The following EFCC1 variants were observed in gnomAD, a reference collection of about 807,000 sequenced individuals.
EFCC1 encodes EF-hand and coiled-coil domain containing 1, also known as EF-hand and coiled-coil domain-containing protein 1.
Under a neutral mutation model 52.1 loss-of-function variants are expected in EFCC1, and 50 were observed. That is an observed-to-expected ratio of 0.96 (90% CI 0.76 to 1.21). EFCC1 has a LOEUF of 1.21. Among genes scored for constraint, EFCC1 ranks in the 50% most tolerant of loss-of-function variants. The pLI, the probability that EFCC1 is intolerant of heterozygous loss-of-function variation, is 0.00. For synonymous variants in EFCC1, 399 were observed against 396.5 expected (o/e 1.01, Z -0.08); for missense variants, 837 against 867.3 (o/e 0.97, Z 0.44).
chr3:129,031,536 T>C (rs1376685458), intron 3 of EFCC1, among the ~76,000 whole-genome samples: 1 of 152,174 alleles, frequency 6.6e-6, no homozygotes, highest in Admixed American at 6.5e-5. Context: ...AAGCCTGGTT[T>C]TGTTTTTAAA....
At position 129,034,206 on chromosome 3, in the gene EFCC1, TCAC is replaced by T; in HGVS notation, c.1330_1332del (p.His444del). 1 of 1,614,186 alleles carries T rather than the reference TCAC, an allele frequency of 6.2e-7. No homozygotes were observed. Among genetic ancestry groups the T allele is most frequent in the African/African-American group, 1.3e-5 (1 of 75,030 alleles). ...CGGAGAAGCTCATGACTTACTTTGGTCACTTCGGCGGTGCCAACCATGCCCATA... is the reference window on the plus strand; with the variant it reads ...CGGAGAAGCTCATGACTTACTTTGGTTTCGGCGGTGCCAACCATGCCCATA... On this transcript the variant is annotated inframe_deletion, in exon 5 of 8. Coordinates refer to ENST00000683648, the MANE Select transcript of EFCC1 (RefSeq NM_001377500.1).
intron 2 of EFCC1, among the ~76,000 whole-genome samples, chr3:129,028,743 A>G (rs943134490): frequency 3.3e-5 from 5 of 151,836 alleles, no homozygotes; most frequent in African/African-American, 1.2e-4. Flanking sequence ...CCCAGGTTCA[A>G]GCGATTCTCC....
At chr3:129,037,903 A>G (rs999479044) in intron 6 of EFCC1, among the ~76,000 whole-genome samples, 9 of 151,606 alleles carry the variant, frequency 5.9e-5, no homozygotes, top group African/African-American at 2.2e-4. Context: ...CTCTACAAAA[A>G]AAAAAAAAAA....
In EFCC1 at chr3:129,014,741, C is replaced by T. The variant is rs775192317; in HGVS notation, c.980+10664C>T. 6.6e-6 allele frequency among the ~76,000 whole-genome samples: 1 copy of T among 152,250 alleles called. No individual in the cohort carries two copies. Among genetic ancestry groups the T allele is most frequent in the African/African-American group, 2.4e-5 (1 of 41,550 alleles). ...GGGCCATGACTTGTGTGATCCAGGGCGGAGGTGACTCCCATAGCAAAATCA... is the reference window on the plus strand; with the variant it reads ...GGGCCATGACTTGTGTGATCCAGGGTGGAGGTGACTCCCATAGCAAAATCA... On this transcript the variant is annotated intron_variant, in intron 2 of 7. Transcript: ENST00000683648. The surrounding 1 kb of genome is among the most constrained non-coding windows in gnomAD (Gnocchi z 4.3).
At position 129,002,090 on chromosome 3, in the gene EFCC1, C is replaced by T; in HGVS notation, c.462C>T (p.Gly154=). The T allele has an allele frequency of 1.3e-6, 2 of 1,521,600 alleles. No homozygotes were observed. The highest frequency in any genetic ancestry group is 1.8e-6 in the Non-Finnish European group (2 of 1,135,656). 94.3% of individuals were successfully genotyped at this position (1,521,600 alleles called of 1,614,324 possible). Reference sequence around the variant, plus strand: ...ACGCGCGCCTCTGTGGCTACTTCGGCACCCGTGCGGGGCCCCGGCTGCCCC... The same window carrying T: ...ACGCGCGCCTCTGTGGCTACTTCGGTACCCGTGCGGGGCCCCGGCTGCCCC... ...QFHARLCGYF[G]TRAGPRLPRG... Residue 154 remains glycine (G), a synonymous_variant, in exon 1 of 8, where the codon GGC becomes GGT. Transcript: ENST00000683648.
rs112083929 is a variant in EFCC1 at position 129,010,656 on chromosome 3, C to G, written c.980+6579C>G. On this transcript the variant is annotated intron_variant, in intron 2 of 7. Coordinates refer to ENST00000683648, the MANE Select transcript of EFCC1 (RefSeq NM_001377500.1). The surrounding 1 kb of genome is among the most constrained non-coding windows in gnomAD (Gnocchi z 4.3). The stretch of plus-strand genomic sequence containing the variant: ...CCTGGCAGCCTTTGGGTGGGCCAAA[C>G]TCAGCGGGTCCAGGGTGGGAGGGAG... 8.8e-3 allele frequency among the ~76,000 whole-genome samples: 1,334 copies of G among 152,238 alleles called. 21 individuals are homozygous for G. The highest frequency in any genetic ancestry group is 0.03 in the African/African-American group (1,257 of 41,542).
intron 6 of EFCC1, among the ~76,000 whole-genome samples, chr3:129,038,352 A>G (rs144720641): frequency 0.011 from 1,642 of 152,326 alleles, 15 homozygotes; most frequent in Middle Eastern, 0.034. Flanking sequence ...CAGGCAGGCA[A>G]GGGCAGTGGT....
rs537447178 is a variant in EFCC1, at chr3:129,015,090, C to T, written c.980+11013C>T. ...GGTTAATCTTTTCAACACCCAGATCCCACCTCGGGCTCGCCCACTCACAAC... is the reference window on the plus strand; with the variant it reads ...GGTTAATCTTTTCAACACCCAGATCTCACCTCGGGCTCGCCCACTCACAAC... On this transcript the variant is annotated intron_variant, in intron 2 of 7. Transcript: ENST00000683648. Among the ~76,000 whole-genome samples the T allele has an allele frequency of 3.3e-5, 5 of 152,310 alleles. 1 individual carries two copies. The South Asian group carries it at 1.0e-3, about 32-fold the overall frequency.
Position 129,001,932 on chromosome 3 carries a change from G to C in EFCC1, c.304G>C (p.Asp102His). Residue 102 changes from aspartate to histidine, a missense_variant, in exon 1 of 8, where the codon GAC (aspartate) becomes CAC (histidine). By Grantham distance (81) the Asp-to-His change is moderately conservative. Coordinates refer to ENST00000683648, the MANE Select transcript of EFCC1 (RefSeq NM_001377500.1). ...CACCACGGCCGGGCAGGCAGCAGGT[G>C]ACGGGAACTCCAGAGATGTGACCCC... is the stretch of plus-strand genomic sequence containing the variant. ...GATTAGQAAG[D>H]GNSRDVTPGD... 1 of 1,541,340 alleles carries C rather than the reference G, an allele frequency of 6.5e-7. No homozygotes were observed. The highest frequency in any genetic ancestry group is 8.8e-7 in the Non-Finnish European group (1 of 1,142,354).
At chr3:129,011,377 C>T (rs1292177843) in intron 2 of EFCC1, among the ~76,000 whole-genome samples, 1 of 152,026 alleles carries the variant, frequency 6.6e-6, no homozygotes, top group African/African-American at 2.4e-5. Flanking sequence ...ATGGTGAAAC[C>T]CCGTCTCTAC....
chr3:129,036,348 A>G (rs1445087104), intron 5 of EFCC1, among the ~76,000 whole-genome samples: 1 of 152,254 alleles, frequency 6.6e-6, no homozygotes, highest in South Asian at 2.1e-4. Flanking sequence ...CTTTCCCTCC[A>G]TTGGTGCCAG....
In EFCC1 at chr3:129,003,859, G is replaced by A. The variant is rs1004829546; in HGVS notation, c.762G>A (p.Val254=). Residue 254 remains valine (V), a synonymous_variant, in exon 2 of 8, where the codon GTG becomes GTA. Coordinates refer to ENST00000683648, the MANE Select transcript of EFCC1 (RefSeq NM_001377500.1). ...GGCACGGCGGGCCGGAGGCTGCGGT[G>A]CGGGAGCTGCGTCAGGCGCAGGGCG... ...EMGHGGPEAA[V]RELRQAQGAL... is the part of the protein sequence containing the mutation. 9.7e-6 allele frequency: 14 copies of A among 1,442,924 alleles called. No homozygotes were observed. The highest frequency in any genetic ancestry group is 1.3e-5 in the Non-Finnish European group (14 of 1,100,652). 89.4% of individuals were successfully genotyped at this position (1,442,924 alleles called of 1,614,324 possible).
Position 129,001,939 on chromosome 3 carries a change from A to T in EFCC1, c.311A>T (p.Asn104Ile). Residue 104 changes from asparagine (N) to isoleucine (I), a missense_variant, in exon 1 of 8, where the codon AAC becomes ATC. Physicochemically the swap from Asn to Ile is moderately radical, Grantham distance 149. Coordinates refer to ENST00000683648, the MANE Select transcript of EFCC1 (RefSeq NM_001377500.1). ...GCCGGGCAGGCAGCAGGTGACGGGA[A>T]CTCCAGAGATGTGACCCCCGGGGAT... ...TTAGQAAGDG[N>I]SRDVTPGDAA... 6.5e-7 allele frequency: 1 copy of T among 1,540,906 alleles called. No homozygotes were observed.
At chr3:129,030,493 G>A (rs1360582889) in intron 2 of EFCC1, 2 of 430,762 alleles carry the variant, frequency 4.6e-6, no homozygotes, top group African/African-American at 2.0e-5. Context: ...TTTGCCTTGA[G>A]TCCCATTGGC....
At chr3:129,024,529 G>T (rs1209198294) in intron 2 of EFCC1, among the ~76,000 whole-genome samples, 7 of 147,064 alleles carry the variant, frequency 4.8e-5, no homozygotes, top group African/African-American at 1.8e-4. Flanking sequence ...AGACTCCGTC[G>T]CAAAAAAAAA....
At position 129,002,208 on chromosome 3, in the gene EFCC1, G is replaced by A; in HGVS notation, c.580G>A (p.Gly194Ser). ...GCCCTGCGCGCCTGGCCCCGACAGCGGTCCTGACTGTGAGCGCGTTGCGCG... is the reference window on the plus strand; with the variant it reads ...GCCCTGCGCGCCTGGCCCCGACAGCAGTCCTGACTGTGAGCGCGTTGCGCG... The part of the protein sequence containing the change: ...RPPCAPGPDS[G>S]PDCERVARLE... The change falls in exon 1 of 8, where the codon GGT (glycine) becomes AGT (serine). Residue 194 changes from glycine (G) to serine (S), a missense_variant. Transcript: ENST00000683648. 6.6e-7 allele frequency: 1 copy of A among 1,521,450 alleles called. No individual in the cohort carries two copies. Among genetic ancestry groups the A allele is most frequent in the Non-Finnish European group, 8.8e-7 (1 of 1,140,824 alleles). 94.2% of individuals were successfully genotyped at this position (1,521,450 alleles called of 1,614,324 possible).
Position 129,002,285 on chromosome 3 carries a change from C to T in EFCC1, c.657C>T (p.Ala219=), listed in dbSNP as rs1396280584. ...GCGAGTTGGTGGAGGACCTGCGCGC[C>T]GCGCTGCAGAGCAGTGATGCGCGCT... ...SLRELVEDLR[A]ALQSSDARCL... The change falls in exon 1 of 8, where the codon GCC becomes GCT. Residue 219 remains alanine (A), a synonymous_variant. Transcript: ENST00000683648. 3 of 1,528,906 alleles carry T rather than the reference C, an allele frequency of 2.0e-6. No individual in the cohort carries two copies. The highest frequency in any genetic ancestry group is 1.4e-5 in the African/African-American group (1 of 71,864). The allele number at this position is 1,528,906 out of a possible 1,614,324, so 94.7% of individuals were successfully genotyped here. A position where few individuals can be genotyped will look rare whatever the true frequency, so the allele number is the denominator to read the frequency against.
At chr3:129,020,473 C>CA (rs1389742618) in intron 2 of EFCC1, among the ~76,000 whole-genome samples, 1 of 152,032 alleles carries the variant, frequency 6.6e-6, no homozygotes, top group African/African-American at 2.4e-5. Context: ...TCCATCTCTA[C>CA]AAAAAATACA....
rs1047944113 is a variant in EFCC1 at position 129,002,330 on chromosome 3, C to T, written c.696+6C>T. 2.6e-6 allele frequency: 4 copies of T among 1,511,922 alleles called. No individual in the cohort carries two copies. In the Admixed American group the frequency reaches 8.4e-5, roughly 32 times the overall value. The allele number at this position is 1,511,922 out of a possible 1,614,324, so 93.7% of individuals were successfully genotyped here. On this transcript the variant is annotated splice_donor_region_variant and intron_variant, in intron 1 of 7. Transcript: ENST00000683648. Reference sequence around the variant, plus strand: ...CGCGCTGCCTAGCACTGCAGGTGCGCGCCGGCCACGAAGGGAGGGTGGTAA... The same window carrying T: ...CGCGCTGCCTAGCACTGCAGGTGCGTGCCGGCCACGAAGGGAGGGTGGTAA...
Sources: gnomAD v4.1 joint callset for allele counts (sites outside exome capture counted in the v4.1 genomes callset) on GRCh38, gnomAD v4.1.1 for gene constraint, Gnocchi (gnomAD v3.1) non-coding constraint, MANE v1.5 for transcripts, NCBI Gene and HGNC (gene_info 2026-07-23, HGNC 2026-07-21) for gene names.